Variants in KCNB2 observed in about 807,000 individuals in gnomAD.
KCNB2 encodes the protein delayed rectifier potassium channel protein.
In KCNB2, 15 loss-of-function variants were observed where a neutral mutation model predicts 61.5. The observed-to-expected ratio is 0.24, with a 90% CI of 0.16 to 0.38. KCNB2 has a LOEUF of 0.38. Among genes scored for constraint, KCNB2 ranks in the 10% least tolerant of loss-of-function variants. KCNB2 has a pLI of 1.00. For synonymous variants in KCNB2, 457 were observed against 446.0 expected, an observed-to-expected ratio of 1.02 and a Z score of -0.31; for missense variants, 828 against 1,125.2, an observed-to-expected ratio of 0.74 and a Z score of 3.78.
At chr8:72,678,787 G>A (rs1806704979) in intron 2 of KCNB2, among the ~76,000 whole-genome samples, 1 of 152,166 alleles carries the variant, frequency 6.6e-6, no homozygotes, top group African/African-American at 2.4e-5. Flanking sequence ...TCCAGGATTG[G>A]GCTTGATAAG....
intron 2 of KCNB2, among the ~76,000 whole-genome samples, chr8:72,733,317 G>A (rs770077902): frequency 1.3e-5 from 2 of 152,010 alleles, no homozygotes; most frequent in Non-Finnish European, 2.9e-5. Flanking sequence ...TTTTGACTTT[G>A]GCTTTGGTGA....
At chr8:72,659,441 G>C (rs1806345086) in intron 2 of KCNB2, among the ~76,000 whole-genome samples, 1 of 152,222 alleles carries the variant, frequency 6.6e-6, no homozygotes, top group Non-Finnish European at 1.5e-5. Context: ...TGACAACAAA[G>C]AATTTAGAAT....
chr8:72,932,542 A>C (rs1806808897), intron 2 of KCNB2, among the ~76,000 whole-genome samples: 2 of 152,270 alleles, frequency 1.3e-5, no homozygotes, highest in South Asian at 4.2e-4. Context: ...AATCCTAAAC[A>C]GGTCCTGTTA....
At chr8:72,596,846 T>A (rs1468205702) in intron 2 of KCNB2, among the ~76,000 whole-genome samples, 2 of 152,098 alleles carry the variant, frequency 1.3e-5, no homozygotes, top group African/African-American at 4.8e-5. Context: ...ACATGCATGA[T>A]GCCAAATGTG....
intron 2 of KCNB2, among the ~76,000 whole-genome samples, chr8:72,867,859 C>G (rs1251297435): frequency 6.6e-6 from 1 of 152,062 alleles, no homozygotes; most frequent in Non-Finnish European, 1.5e-5. Flanking sequence ...GGCGGTGGAG[C>G]AATGGCCACT....
At chr8:72,700,222 C>T (rs1209435274) in intron 2 of KCNB2, among the ~76,000 whole-genome samples, 2 of 151,986 alleles carry the variant, frequency 1.3e-5, no homozygotes, top group Non-Finnish European at 2.9e-5. Context: ...GGAGGGAGAC[C>T]ATTAGGACAA....
intron 1 of KCNB2, among the ~76,000 whole-genome samples, chr8:72,565,910 G>A (rs1253232350): frequency 2.0e-5 from 3 of 152,140 alleles, no homozygotes; most frequent in Non-Finnish European, 4.4e-5. Flanking sequence ...TAGAGAAGAT[G>A]TTCTTTGTCC....
At chr8:72,648,261 C>G (rs1432015893) in intron 2 of KCNB2, among the ~76,000 whole-genome samples, 1 of 152,102 alleles carries the variant, frequency 6.6e-6, no homozygotes, top group African/African-American at 2.4e-5. Flanking sequence ...TGCTTTAGGT[C>G]TTCTGTGTCA....
At chr8:72,583,213 C>A (rs750357354) in intron 2 of KCNB2, among the ~76,000 whole-genome samples, 1 of 152,064 alleles carries the variant, frequency 6.6e-6, no homozygotes, top group African/African-American at 2.4e-5. Flanking sequence ...TCTAATTTAG[C>A]TTTTCAGAAA....
In KCNB2 at chr8:72,938,335, T is replaced by A. The variant is rs973694302; in HGVS notation, c.*244T>A. On this transcript the variant is annotated 3_prime_UTR_variant, in exon 3 of 3. Transcript: ENST00000523207. ...AGAACAGTGAACAAATAAAAAGAGC[T>A]CTATTAGGAACCAATATTCTGCAAT... 21 of 425,398 alleles carry A rather than the reference T, an allele frequency of 4.9e-5. No homozygotes were observed. In the East Asian group the frequency reaches 7.6e-4, roughly 15 times the overall value. The allele number at this position is 425,398 out of a possible 1,614,324, so 26.4% of individuals were successfully genotyped here. A position where few individuals can be genotyped will look rare whatever the true frequency, so the allele number is the denominator to read the frequency against.
In KCNB2 at chr8:72,936,935, C is replaced by T. The variant is rs1427766547; in HGVS notation, c.1580C>T (p.Thr527Met). The change falls in exon 3 of 3, where the codon ACG (threonine) becomes ATG (methionine). Residue 527 changes from threonine (T) to methionine (M), a missense_variant. Thr to Met is a moderately conservative substitution (Grantham distance 81, BLOSUM62 -1). This residue lies in a region of KCNB2 where 559 missense variants were observed against 588.4 expected (regional missense o/e 0.95). Coordinates refer to ENST00000523207, the MANE Select transcript of KCNB2 (RefSeq NM_004770.3). The surrounding 1 kb of genome is among the most constrained non-coding windows in gnomAD (Gnocchi z 5.6). ...GACTCCCACGAGCAGCTGAACAACA[C>T]GTCTTCCTCCAGCCCACAGCATCTG... is the stretch of plus-strand genomic sequence containing the variant. ...QKDSHEQLNN[T>M]SSSSPQHLSA... 8 of 1,614,054 alleles carry T rather than the reference C, an allele frequency of 5.0e-6. No individual in the cohort carries two copies. The highest frequency in any genetic ancestry group is 5.9e-6 in the Non-Finnish European group (7 of 1,180,030).
chr8:72,597,093 G>A (rs552805525), intron 2 of KCNB2, among the ~76,000 whole-genome samples: 18 of 133,918 alleles, frequency 1.3e-4, no homozygotes, highest in African/African-American at 1.8e-4. Flanking sequence ...GCACGATCTC[G>A]GCTCACTGCA....
intron 2 of KCNB2, among the ~76,000 whole-genome samples, chr8:72,661,811 A>G (rs1342780083): frequency 6.6e-6 from 1 of 152,134 alleles, no homozygotes; most frequent in Non-Finnish European, 1.5e-5. Context: ...AAATGTTTAG[A>G]TTTCTTTTCT....
At chr8:72,547,429 C>T (rs1806275360) in intron 1 of KCNB2, among the ~76,000 whole-genome samples, 1 of 152,034 alleles carries the variant, frequency 6.6e-6, no homozygotes, top group Admixed American at 6.5e-5. Flanking sequence ...AATTAAAAAC[C>T]TTCTGGAAAG....
In KCNB2 at chr8:72,817,059, T is replaced by A. The variant is rs1056689974; in HGVS notation, c.580-118876T>A. On this transcript the variant is annotated intron_variant, in intron 2 of 2. Transcript: ENST00000523207. ...CAATTTTTTGTACACCCTGATGTGT[T>A]AGGTACTGGAAAAGAAAACAGCCTT... Among the ~76,000 whole-genome samples, 52 of 152,166 alleles carry A rather than the reference T, an allele frequency of 3.4e-4. 1 individual carries two copies. The highest frequency in any genetic ancestry group is 3.3e-3 in the Admixed American group (51 of 15,272).
At chr8:72,590,424 A>G (rs996071424) in intron 2 of KCNB2, among the ~76,000 whole-genome samples, 2 of 152,102 alleles carry the variant, frequency 1.3e-5, no homozygotes, top group Non-Finnish European at 2.9e-5. Flanking sequence ...CATTGAGCAA[A>G]AGGGCAAAGT....
At chr8:72,785,063 C>A (rs374081469) in intron 2 of KCNB2, among the ~76,000 whole-genome samples, 1 of 152,090 alleles carries the variant, frequency 6.6e-6, no homozygotes, top group South Asian at 2.1e-4. Context: ...TCTAATGTCT[C>A]AATTTAAATT....
At chr8:72,797,886 T>A (rs1378733398) in intron 2 of KCNB2, among the ~76,000 whole-genome samples, 1 of 152,206 alleles carries the variant, frequency 6.6e-6, no homozygotes, top group African/African-American at 2.4e-5. Flanking sequence ...GCAATTTTTT[T>A]AATGTGTTTT....
At chr8:72,561,070 G>C (rs1016188538) in intron 1 of KCNB2, among the ~76,000 whole-genome samples, 2 of 151,900 alleles carry the variant, frequency 1.3e-5, no homozygotes, top group African/African-American at 4.8e-5. Context: ...GCAACACAAT[G>C]CTTCCTTTGA....
Sources: allele counts gnomAD v4.1 joint callset (sites outside exome capture counted in the v4.1 genomes callset), GRCh38; gene constraint gnomAD v4.1.1; regional missense constraint gnomAD v4.1.1; non-coding constraint Gnocchi (gnomAD v3.1); transcripts MANE v1.5; gene names NCBI Gene and HGNC (gene_info 2026-07-23, HGNC 2026-07-21).